Variants in LNPEP observed in about 807,000 individuals in gnomAD.
LNPEP encodes the protein leucyl and cystinyl aminopeptidase, also known as leucyl-cystinyl aminopeptidase.
Under a neutral mutation model 120.6 loss-of-function variants are expected in LNPEP, and 64 were observed. The ratio of observed to expected loss-of-function variants is 0.53; its 90% CI spans 0.43 to 0.65. The LOEUF (loss-of-function observed/expected upper bound fraction) is 0.65. Ranked by LOEUF, LNPEP falls within the 30% of genes least tolerant of loss-of-function variation. The pLI, the probability that LNPEP is intolerant of heterozygous loss-of-function variation, is 0.00. For synonymous variants in LNPEP, 435 were observed against 425.4 expected (o/e 1.02, Z -0.28); for missense variants, 1,057 against 1,200.0 (o/e 0.88, Z 1.76).
chr5:97,026,816 G>T, intron 16 of LNPEP, 59 bp downstream of exon 16: 1 of 1,454,772 alleles, frequency 6.9e-7, no homozygotes, highest in Non-Finnish European at 9.5e-7. Flanking sequence ...TTTGAAAAAA[G>T]CTCCCAGTGT....
At chr5:96,946,677 G>A (rs540388487) in intron 1 of LNPEP, among the ~76,000 whole-genome samples, 1 of 152,272 alleles carries the variant, frequency 6.6e-6, no homozygotes, top group African/African-American at 2.4e-5. Context: ...TTAATGATAA[G>A]CAAACTGGCC....
At chr5:96,966,804 G>C (rs983237554) in intron 1 of LNPEP, among the ~76,000 whole-genome samples, 3 of 151,938 alleles carry the variant, frequency 2.0e-5, no homozygotes, top group Admixed American at 2.0e-4. Flanking sequence ...GACAATAAAC[G>C]TGTCTTTAAC....
intron 4 of LNPEP, among the ~76,000 whole-genome samples, chr5:96,989,146 T>C (rs1266068828): frequency 2.7e-5 from 4 of 150,852 alleles, no homozygotes; most frequent in African/African-American, 9.8e-5. Flanking sequence ...TGGAGTCTAA[T>C]TGGGTTGAAA....
intron 9 of LNPEP, among the ~76,000 whole-genome samples, chr5:97,004,049 A>G (rs1037108535): frequency 6.6e-6 from 1 of 152,104 alleles, no homozygotes; most frequent in Non-Finnish European, 1.5e-5. Flanking sequence ...TTGCTGTTGG[A>G]ATTTTGTCAT....
chr5:96,988,037 C>CT (rs1283837514), intron 4 of LNPEP, among the ~76,000 whole-genome samples: 4 of 152,140 alleles, frequency 2.6e-5, no homozygotes, highest in Non-Finnish European at 5.9e-5. Flanking sequence ...TTAATTATCT[C>CT]TTTTTTGTAG....
chr5:96,950,964 A>G (rs1789306593), intron 1 of LNPEP, among the ~76,000 whole-genome samples: 1 of 152,182 alleles, frequency 6.6e-6, no homozygotes, highest in African/African-American at 2.4e-5. Flanking sequence ...GACAACAGAT[A>G]TTTATTTACT....
chr5:96,946,068 T>C (rs1274706080), intron 1 of LNPEP, among the ~76,000 whole-genome samples: 1 of 152,206 alleles, frequency 6.6e-6, no homozygotes, highest in Non-Finnish European at 1.5e-5. Flanking sequence ...TGAGTCTTGG[T>C]GAGAGGAGCT....
chr5:96,977,090 T>C (rs1790016534), intron 1 of LNPEP, among the ~76,000 whole-genome samples: 1 of 152,030 alleles, frequency 6.6e-6, no homozygotes, highest in South Asian at 2.1e-4. Context: ...AATAAAAATT[T>C]TAAAGTAGCA....
chr5:96,976,369 G>C (rs930773454), intron 1 of LNPEP, among the ~76,000 whole-genome samples: 5 of 152,132 alleles, frequency 3.3e-5, no homozygotes, highest in African/African-American at 1.2e-4. Flanking sequence ...AATAATAAAA[G>C]TAAGTTATTT....
chr5:97,028,448 G>A lies in LNPEP; in HGVS notation c.2993G>A (p.Arg998His), dbSNP rs371955354. 1.8e-5 allele frequency: 29 copies of A among 1,613,770 alleles called. No individual in the cohort carries two copies. Among genetic ancestry groups the A allele is most frequent in the Non-Finnish European group, 1.5e-5 (18 of 1,179,766 alleles). ...ENQSEATFRL[R>H]CVQEALEVIQ... The stretch of plus-strand genomic sequence containing the variant: ...CAGTCAGAGGCAACCTTCCGGCTTC[G>A]TTGTGTCCAGGAGGCTTTGGAAGTC... The change falls in exon 18 of 18, where the codon CGT becomes CAT. Residue 998 changes from arginine to histidine, a missense_variant. Transcript: ENST00000231368.
chr5:97,013,646 A>G lies in LNPEP; in HGVS notation c.2036-2A>G. On this transcript the variant is annotated splice_acceptor_variant, in intron 11 of 17. Coordinates refer to ENST00000231368, the MANE Select transcript of LNPEP (RefSeq NM_005575.3). LOFTEE classifies it high-confidence loss of function. The stretch of plus-strand genomic sequence containing the variant: ...ATCTCTCATTTTTTTGGTTTCCATT[A>G]GGTGTCATCAATCTTACAGAAGAAG... 1.3e-6 allele frequency: 2 copies of G among 1,496,028 alleles called. No homozygotes were observed. Among genetic ancestry groups the G allele is most frequent in the African/African-American group, 1.4e-5 (1 of 70,696 alleles). The allele number at this position is 1,496,028 out of a possible 1,614,324, so 92.7% of individuals were successfully genotyped here.
chr5:96,945,837 A>G (rs989772336), intron 1 of LNPEP, among the ~76,000 whole-genome samples: 1 of 152,224 alleles, frequency 6.6e-6, no homozygotes, highest in African/African-American at 2.4e-5. Flanking sequence ...AAATCATTCC[A>G]AGATCCTCTT....
chr5:97,021,012 C>T (rs1293540987), intron 13 of LNPEP, among the ~76,000 whole-genome samples: 5 of 151,972 alleles, frequency 3.3e-5, no homozygotes, highest in South Asian at 4.1e-4. Flanking sequence ...ATGAAAAAGG[C>T]GTCTGTTAGT....
intron 5 of LNPEP, 145 bp from the exon 6 acceptor site, chr5:96,993,672 A>G (rs1790445176): frequency 1.3e-6 from 1 of 777,484 alleles, no homozygotes; most frequent in Non-Finnish European, 2.1e-6. Flanking sequence ...GAGAGCATAC[A>G]GAGCTAGAAT....
At chr5:96,964,437 T>A (rs1789680299) in intron 1 of LNPEP, among the ~76,000 whole-genome samples, 1 of 152,034 alleles carries the variant, frequency 6.6e-6, no homozygotes, top group Non-Finnish European at 1.5e-5. Flanking sequence ...TTTCAGTGTA[T>A]CCAACTGGAT....
Position 97,023,881 on chromosome 5 carries a change from T to C in LNPEP, c.2562-640T>C, listed in dbSNP as rs146597230. Reference sequence around the variant, plus strand: ...CCAACACTTGCCATTTTCTGGGTTTTTGATAGCAGCCATCCTAATGGGTGT... The same window carrying C: ...CCAACACTTGCCATTTTCTGGGTTTCTGATAGCAGCCATCCTAATGGGTGT... On this transcript the variant is annotated intron_variant, in intron 14 of 17. Coordinates refer to ENST00000231368, the MANE Select transcript of LNPEP (RefSeq NM_005575.3). 7.9e-5 allele frequency among the ~76,000 whole-genome samples: 12 copies of C among 152,334 alleles called. No homozygotes were observed. The East Asian group carries it at 2.1e-3, about 27-fold the overall frequency.
intron 1 of LNPEP, among the ~76,000 whole-genome samples, chr5:96,967,788 A>G (rs916027318): frequency 6.6e-6 from 1 of 152,090 alleles, no homozygotes; most frequent in African/African-American, 2.4e-5. Flanking sequence ...ATTTTAATAT[A>G]TTAGATTATT....
At chr5:96,948,506 T>C (rs1789246755) in intron 1 of LNPEP, among the ~76,000 whole-genome samples, 1 of 152,252 alleles carries the variant, frequency 6.6e-6, no homozygotes, top group Admixed American at 6.5e-5. Flanking sequence ...TGTATCTTTT[T>C]AAAAAACTAT....
chr5:96,942,093 A>C (rs1789066718), intron 1 of LNPEP, among the ~76,000 whole-genome samples: 1 of 152,194 alleles, frequency 6.6e-6, no homozygotes, highest in South Asian at 2.1e-4. Flanking sequence ...AGCCTTGCCA[A>C]GAGATAGAAA....
Sources: allele counts gnomAD v4.1 joint callset (sites outside exome capture counted in the v4.1 genomes callset), GRCh38; gene constraint gnomAD v4.1.1; transcripts MANE v1.5; gene names NCBI Gene and HGNC (gene_info 2026-07-23, HGNC 2026-07-21).